GFM1: variants seen among roughly 807,000 people sequenced by gnomAD.
GFM1 encodes G elongation factor mitochondrial 1.
Under a neutral mutation model 96.2 loss-of-function variants are expected in GFM1, and 62 were observed. The observed-to-expected ratio is 0.64, with a 90% CI of 0.53 to 0.80. GFM1 has a LOEUF of 0.80. Ranked by LOEUF, GFM1 falls within the 30% of genes least tolerant of loss-of-function variation. The probability of loss-of-function intolerance (pLI) is 0.00; values close to 1 mark genes in which losing one functional copy is unlikely to be tolerated. For synonymous variants in GFM1, 282 were observed against 312.9 expected (o/e 0.90, Z 1.04); for missense variants, 852 against 916.6 (o/e 0.93, Z 0.91).
chr3:158,661,467 C>T (rs1723189502), intron 10 of GFM1, among the ~76,000 whole-genome samples: 1 of 152,148 alleles, frequency 6.6e-6, no homozygotes, highest in South Asian at 2.1e-4. Flanking sequence ...CAGAACATAA[C>T]CAGGCTCAGA....
chr3:158,688,640 T>A (rs571628825), intron 15 of GFM1, among the ~76,000 whole-genome samples: 2 of 152,332 alleles, frequency 1.3e-5, no homozygotes, highest in East Asian at 3.9e-4. Context: ...GAAGCTCTCC[T>A]GTTGTAAAGA....
intron 5 of GFM1, 56 bp from the exon 6 acceptor site, chr3:158,652,040 G>C: frequency 7.0e-7 from 1 of 1,433,082 alleles, no homozygotes; most frequent in Non-Finnish European, 9.8e-7. Context: ...TTTTTCATTA[G>C]TCCTTCATAT....
chr3:158,668,567 C>T (rs764384956), intron 13 of GFM1, among the ~76,000 whole-genome samples: 7 of 152,178 alleles, frequency 4.6e-5, no homozygotes, highest in Middle Eastern at 3.4e-3. Flanking sequence ...TTGACTAACC[C>T]GAAAGATTAA....
intron 9 of GFM1, among the ~76,000 whole-genome samples, chr3:158,659,475 A>T (rs546972567): frequency 1.3e-5 from 2 of 152,210 alleles, no homozygotes; most frequent in African/African-American, 4.8e-5. Context: ...CTTCTGAAAT[A>T]CGGCAGGCAC....
intron 16 of GFM1, 24 bp from the exon 17 acceptor site, chr3:158,691,115 A>G (rs1039298855): frequency 6.4e-7 from 1 of 1,556,668 alleles, no homozygotes; most frequent in African/African-American, 1.4e-5. Flanking sequence ...GCAGTGCTAA[A>G]ATATCTACTA....
chr3:158,665,038 T>G (rs1309050297), intron 11 of GFM1, among the ~76,000 whole-genome samples: 1 of 152,216 alleles, frequency 6.6e-6, no homozygotes, highest in Non-Finnish European at 1.5e-5. Flanking sequence ...ATGGGCAATT[T>G]TCACAAAAGG....
chr3:158,688,254 G>A (rs1197215019), intron 15 of GFM1, among the ~76,000 whole-genome samples: 2 of 152,146 alleles, frequency 1.3e-5, no homozygotes, highest in Non-Finnish European at 2.9e-5. Context: ...TTTAGGACTT[G>A]GATGCAATGT....
chr3:158,682,133 G>C lies in GFM1; in HGVS notation c.1740G>C (p.Lys580Asn). 2 of 1,613,728 alleles carry C rather than the reference G, an allele frequency of 1.2e-6. No individual in the cohort carries two copies. The highest frequency in any genetic ancestry group is 1.7e-6 in the Non-Finnish European group (2 of 1,179,828). The change falls in exon 14 of 18, where the codon AAG becomes AAC. Residue 580 changes from lysine (K) to asparagine (N), a missense_variant. Lys to Asn is a moderately conservative substitution (Grantham distance 94, BLOSUM62 0). Transcript: ENST00000486715. ...AAACATTCGGATCAAATATTCCAAA[G>C]CAGTTTGTGCCTGCTGTAGAAAAGG... Reference protein sequence around the residue: ...SDETFGSNIPKQFVPAVEKGF... With the variant: ...SDETFGSNIPNQFVPAVEKGF...
At chr3:158,670,622 T>A (rs755716048) in intron 13 of GFM1, among the ~76,000 whole-genome samples, 1 of 152,192 alleles carries the variant, frequency 6.6e-6, no homozygotes, top group Non-Finnish European at 1.5e-5. Context: ...CAACAACTTT[T>A]TAAAAAGAGG....
chr3:158,660,735 A>T (rs1723136212), intron 9 of GFM1, 139 bp from the exon 10 acceptor site: 1 of 730,676 alleles, frequency 1.4e-6, no homozygotes, highest in Admixed American at 2.1e-5. Flanking sequence ...GTTCTAGCTA[A>T]TTCACTATAG....
intron 13 of GFM1, among the ~76,000 whole-genome samples, chr3:158,676,919 C>T (rs1011868467): frequency 1.3e-5 from 2 of 152,040 alleles, no homozygotes; most frequent in Non-Finnish European, 2.9e-5. Context: ...AGGCTGGTCT[C>T]GAACTCCTGA....
At position 158,651,918 on chromosome 3, in the gene GFM1, C is replaced by A. The variant is rs571992296; in HGVS notation, c.690-178C>A. Reference sequence around the variant, plus strand: ...AACTTGCCTATTTCAGTATATTTATCTACTATTCTGTGTACATTTTAAAGG... The same window carrying A: ...AACTTGCCTATTTCAGTATATTTATATACTATTCTGTGTACATTTTAAAGG... On this transcript the variant is annotated intron_variant, in intron 5 of 17. Transcript: ENST00000486715. Among the ~76,000 whole-genome samples, 90 of 152,048 alleles carry A rather than the reference C, an allele frequency of 5.9e-4. 1 individual carries two copies. In the South Asian group the frequency reaches 8.3e-3, roughly 14 times the overall value.
rs536611186 is a variant in GFM1 at position 158,646,962 on chromosome 3, A to C, written c.572+15A>C. ...CAGCAAATGAGGTAATGAGCCTTAGAATAAACAAAGAGGATGTGATGATCT... is the reference window on the plus strand; with the variant it reads ...CAGCAAATGAGGTAATGAGCCTTAGCATAAACAAAGAGGATGTGATGATCT... On this transcript the variant is annotated intron_variant, in intron 4 of 17. Transcript: ENST00000486715. 8.1e-6 allele frequency: 13 copies of C among 1,601,840 alleles called. No individual in the cohort carries two copies. In the South Asian group the frequency reaches 1.4e-4, roughly 18 times the overall value.
At chr3:158,687,668 A>G (rs1725973491) in intron 15 of GFM1, among the ~76,000 whole-genome samples, 1 of 151,992 alleles carries the variant, frequency 6.6e-6, no homozygotes, top group African/African-American at 2.4e-5. Flanking sequence ...GGGTCTTACC[A>G]TGTTGGCCAA....
rs1162751188 is a variant in GFM1, at chr3:158,694,379, A to G, written c.*2912A>G. Among the ~76,000 whole-genome samples the G allele has an allele frequency of 1.3e-5, 2 of 152,232 alleles. No individual in the cohort carries two copies. Among genetic ancestry groups the G allele is most frequent in the Admixed American group, 6.5e-5 (1 of 15,282 alleles). ...CTCACTTATAAGTGGGAGCTAAATAATGAGAACACATGGACACACAGAGGG... is the reference window on the plus strand; with the variant it reads ...CTCACTTATAAGTGGGAGCTAAATAGTGAGAACACATGGACACACAGAGGG... On this transcript the variant is annotated 3_prime_UTR_variant, in exon 18 of 18. Transcript: ENST00000486715.
Position 158,693,377 on chromosome 3 carries a change from T to TA in GFM1, c.*1916dup, listed in dbSNP as rs1259156573. ...ACTGGAACTAAACTGGATAAATAAG[T>TA]AAAAAACTTACTTATTTTTAATTTG... On this transcript the variant is annotated 3_prime_UTR_variant, in exon 18 of 18. Transcript: ENST00000486715. 2.0e-5 allele frequency: 3 copies of TA among 152,208 alleles called. No homozygotes were observed. The highest frequency in any genetic ancestry group is 7.2e-5 in the African/African-American group (3 of 41,448). The allele number at this position is 152,208 out of a possible 1,614,324, so 9.4% of individuals were successfully genotyped here.
chr3:158,689,774 G>C (rs1199469730), intron 15 of GFM1, among the ~76,000 whole-genome samples: 1 of 151,456 alleles, frequency 6.6e-6, no homozygotes, highest in South Asian at 2.1e-4. Flanking sequence ...GAAAGAATGG[G>C]TTTACCTTGG....
intron 13 of GFM1, among the ~76,000 whole-genome samples, chr3:158,675,203 T>G (rs1440306076): frequency 6.7e-6 from 1 of 149,540 alleles, no homozygotes; most frequent in Non-Finnish European, 1.5e-5. Context: ...AGGGAACTGC[T>G]TGAACCCAGG....
intron 13 of GFM1, among the ~76,000 whole-genome samples, chr3:158,679,735 C>T (rs1725206312): frequency 6.6e-6 from 1 of 151,942 alleles, no homozygotes; most frequent in Non-Finnish European, 1.5e-5. Flanking sequence ...TGATAGTGTC[C>T]AGGAAAGTGG....
Sources: allele counts gnomAD v4.1 joint callset (sites outside exome capture counted in the v4.1 genomes callset), GRCh38; gene constraint gnomAD v4.1.1; transcripts MANE v1.5; gene names NCBI Gene and HGNC (gene_info 2026-07-23, HGNC 2026-07-21).